The following HNF4G variants were observed in gnomAD, a reference collection of about 807,000 sequenced individuals.
HNF4G encodes hepatocyte nuclear factor 4 gamma, also known as hepatocyte nuclear factor 4-gamma.
In HNF4G, 21 loss-of-function variants were observed where a neutral mutation model predicts 50.9. The ratio of observed to expected loss-of-function variants is 0.41; its 90% confidence interval spans 0.29 to 0.59. The LOEUF is 0.59. HNF4G is among the 20% of genes least tolerant of loss of function. The pLI is 0.26. For synonymous variants in HNF4G, 198 were observed against 185.6 expected (o/e 1.07, Z -0.54); for missense variants, 527 against 559.4 (o/e 0.94, Z 0.58).
At chr8:75,543,335 C>G (rs1406418178) in intron 1 of HNF4G, among the ~76,000 whole-genome samples, 2 of 152,070 alleles carry the variant, frequency 1.3e-5, no homozygotes, top group Non-Finnish European at 2.9e-5. Flanking sequence ...CTGGATGGAT[C>G]CATTGACTGA....
intron 1 of HNF4G, among the ~76,000 whole-genome samples, chr8:75,437,660 T>G (rs540748885): frequency 6.6e-6 from 1 of 151,614 alleles, no homozygotes; most frequent in Non-Finnish European, 1.5e-5. Flanking sequence ...GGCAACAGAG[T>G]GAGACTCCGT....
At chr8:75,552,270 T>C (rs1205003139) in intron 4 of HNF4G, among the ~76,000 whole-genome samples, 1 of 152,126 alleles carries the variant, frequency 6.6e-6, no homozygotes. Flanking sequence ...TGAAGATTGC[T>C]TGATGGGCAA....
chr8:75,507,550 T>C (rs1415237675), intron 2 of HNF4G, among the ~76,000 whole-genome samples: 1 of 152,238 alleles, frequency 6.6e-6, no homozygotes, highest in Non-Finnish European at 1.5e-5. Flanking sequence ...TGAGCCACTG[T>C]GCCCGGCTGA....
intron 1 of HNF4G, among the ~76,000 whole-genome samples, chr8:75,465,210 C>A (rs1300585823): frequency 6.6e-6 from 1 of 152,046 alleles, no homozygotes; most frequent in African/African-American, 2.4e-5. Context: ...AGACTCTATG[C>A]AAAAATTGTT....
chr8:75,516,917 T>C (rs1805902194), intron 2 of HNF4G, among the ~76,000 whole-genome samples: 1 of 152,184 alleles, frequency 6.6e-6, no homozygotes, highest in African/African-American at 2.4e-5. Flanking sequence ...TGTATCATGC[T>C]GCTAATAAAG....
Position 75,543,861 on chromosome 8 carries a change from T to A in HNF4G, c.169T>A (p.Cys57Ser). 1 of 1,613,834 alleles carries A rather than the reference T, an allele frequency of 6.2e-7. No individual in the cohort carries two copies. Among genetic ancestry groups the A allele is most frequent in the Non-Finnish European group, 8.5e-7 (1 of 1,179,828 alleles). Residue 57 changes from cysteine (C) to serine (S), a missense_variant, in exon 2 of 10, where the codon TGT (cysteine) becomes AGT (serine). Coordinates refer to ENST00000396423, the MANE Select transcript of HNF4G (RefSeq NM_004133.5). ...GAATACCACAGACAACGGTGTCAAC[T>A]GTCTGTGTGCTATCTGTGGGGACAG... ...SMNTTDNGVN[C>S]LCAICGDRAT... is the part of the protein sequence containing the mutation.
chr8:75,556,570 G>A (rs1807134171), intron 6 of HNF4G, among the ~76,000 whole-genome samples: 1 of 152,254 alleles, frequency 6.6e-6, no homozygotes, highest in African/African-American at 2.4e-5. Context: ...AATGCTAGAA[G>A]AGGCTAAGGA....
At chr8:75,490,340 C>T (rs974655118) in intron 2 of HNF4G, 1 of 152,236 alleles carries the variant, frequency 6.6e-6, no homozygotes, top group Non-Finnish European at 1.5e-5. Flanking sequence ...TCAAAGTGTA[C>T]ACTGACCACA....
At chr8:75,497,456 C>T (rs530782334) in intron 2 of HNF4G, among the ~76,000 whole-genome samples, 24 of 152,200 alleles carry the variant, frequency 1.6e-4, no homozygotes, top group Middle Eastern at 3.4e-3. Context: ...GAGGCCGAGG[C>T]GGGCAGATCA....
intron 1 of HNF4G, among the ~76,000 whole-genome samples, chr8:75,542,013 AG>A (rs1237563120): frequency 6.6e-5 from 10 of 152,144 alleles, no homozygotes; most frequent in African/African-American, 2.4e-4. Context: ...CCATTTAAAA[AG>A]CTAAGGCCAG....
At chr8:75,438,441 C>G (rs1811193062) in intron 1 of HNF4G, among the ~76,000 whole-genome samples, 1 of 152,124 alleles carries the variant, frequency 6.6e-6, no homozygotes, top group African/African-American at 2.4e-5. Flanking sequence ...GTCCCTGTCC[C>G]TAACATCCAA....
intron 1 of HNF4G, among the ~76,000 whole-genome samples, chr8:75,488,382 T>G (rs2130674856): frequency 6.6e-6 from 1 of 152,288 alleles, no homozygotes; most frequent in Non-Finnish European, 1.5e-5. Flanking sequence ...CAAGCAATTC[T>G]TCTGCCTCAG....
At chr8:75,542,296 C>T (rs184596363) in intron 1 of HNF4G, among the ~76,000 whole-genome samples, 15 of 138,124 alleles carry the variant, frequency 1.1e-4, no homozygotes, top group Admixed American at 1.0e-3. Context: ...CAAAGCAAGT[C>T]CCTGACTCAA....
intron 2 of HNF4G, among the ~76,000 whole-genome samples, chr8:75,546,368 T>C (rs922123037): frequency 2.6e-5 from 4 of 152,156 alleles, no homozygotes; most frequent in African/African-American, 9.6e-5. Context: ...GACTGTACTC[T>C]TTTTTATGTG....
chr8:75,418,091 G>A (rs961435455), intron 1 of HNF4G, among the ~76,000 whole-genome samples: 6 of 152,096 alleles, frequency 3.9e-5, no homozygotes, highest in Non-Finnish European at 8.8e-5. Context: ...CAGTTCTGGA[G>A]GCTAGAAATT....
intron 1 of HNF4G, among the ~76,000 whole-genome samples, chr8:75,415,226 GT>G (rs988321485): frequency 4.0e-5 from 6 of 150,820 alleles, no homozygotes; most frequent in African/African-American, 1.2e-4. Flanking sequence ...TGAGTTGTTT[GT>G]TTTTTTTCAT....
chr8:75,476,049 A>T (rs960634063), intron 1 of HNF4G, among the ~76,000 whole-genome samples: 1 of 152,216 alleles, frequency 6.6e-6, no homozygotes, highest in Admixed American at 6.5e-5. Context: ...TCATTCAAAT[A>T]GTGCATATTG....
At chr8:75,502,588 C>G (rs1812960631) in intron 2 of HNF4G, among the ~76,000 whole-genome samples, 1 of 152,042 alleles carries the variant, frequency 6.6e-6, no homozygotes, top group Non-Finnish European at 1.5e-5. Context: ...TAAAGAAGCA[C>G]AAGGGTAAGC....
At chr8:75,504,234 C>CAG (rs1039424711) in intron 2 of HNF4G, among the ~76,000 whole-genome samples, 1 of 72,782 alleles carries the variant, frequency 1.4e-5, no homozygotes, top group African/African-American at 1.0e-4. Context: ...CACACAGACA[C>CAG]ACACACACAC....
Sources: allele counts gnomAD v4.1 joint callset (sites outside exome capture counted in the v4.1 genomes callset), GRCh38; gene constraint gnomAD v4.1.1; transcripts MANE v1.5; gene names NCBI Gene and HGNC (gene_info 2026-07-23, HGNC 2026-07-21).